The following B3GALT2 variants were observed in gnomAD, a reference collection of about 807,000 sequenced individuals.
B3GALT2 encodes the protein beta-1,3-galactosyltransferase 2.
A neutral mutation model predicts 33.5 loss-of-function variants in B3GALT2; 13 were observed. That is an observed-to-expected ratio of 0.39 (90% CI 0.25 to 0.62). The LOEUF is 0.62. Ranked by LOEUF, B3GALT2 falls within the 20% of genes least tolerant of loss-of-function variation. The probability of loss-of-function intolerance (pLI) is 0.53; values close to 1 mark genes in which losing one functional copy is unlikely to be tolerated. For synonymous variants in B3GALT2, 195 were observed against 172.7 expected (o/e 1.13, Z -1.01); for missense variants, 418 against 509.1 (o/e 0.82, Z 1.72).
At position 193,181,204 on chromosome 1, in the gene B3GALT2, C is replaced by A. The variant is rs1396723183; in HGVS notation, c.359G>T (p.Gly120Val). 5 of 1,613,738 alleles carry A rather than the reference C, an allele frequency of 3.1e-6. No homozygotes were observed. The highest frequency in any genetic ancestry group is 2.7e-5 in the African/African-American group (2 of 74,856). ...TGLENTLSANGSIYNEKGTGH... is the reference protein window; with the variant it reads ...TGLENTLSANVSIYNEKGTGH... ...AGTACCTTTTTCATTGTAAATACTT[C>A]CATTGGCACTAAGTGTATTCTCCAG... Residue 120 changes from glycine (G) to valine (V), a missense_variant, in exon 2 of 2, where the codon GGA becomes GTA. By Grantham distance (109) the Gly-to-Val change is moderately radical. Coordinates refer to ENST00000367434, the MANE Select transcript of B3GALT2 (RefSeq NM_003783.3).
In B3GALT2 at chr1:193,180,272, AT is replaced by A; in HGVS notation, c.*21del. On this transcript the variant is annotated 3_prime_UTR_variant, in exon 2 of 2. Coordinates refer to ENST00000367434, the MANE Select transcript of B3GALT2 (RefSeq NM_003783.3). ...TTTTAGCAATATTTACAAATTGCAC[AT>A]TTGAAAAAAAATTGTCTTTTCTAAT... 6 of 1,529,670 alleles carry A rather than the reference AT, an allele frequency of 3.9e-6. No homozygotes were observed. The highest frequency in any genetic ancestry group is 4.4e-6 in the Non-Finnish European group (5 of 1,139,598). 94.8% of individuals were successfully genotyped at this position (1,529,670 alleles called of 1,614,324 possible).
rs1289861125 is a variant in B3GALT2, at chr1:193,181,555, T to G, written c.8A>C (p.Gln3Pro). Reference sequence around the variant, plus strand: ...AAAGCAGCAGTGTCTTCTCCTCCACTGAAGCATGTTGTAAATATCCAGTAG... The same window carrying G: ...AAAGCAGCAGTGTCTTCTCCTCCACGGAAGCATGTTGTAAATATCCAGTAG... ML[Q>P]WRRRHCCFAK... Residue 3 changes from glutamine (Q) to proline (P), a missense_variant, in exon 2 of 2, where the codon CAG becomes CCG. Transcript: ENST00000367434. 6.3e-7 allele frequency: 1 copy of G among 1,581,324 alleles called. No individual in the cohort carries two copies. Among genetic ancestry groups the G allele is most frequent in the East Asian group, 2.2e-5 (1 of 44,772 alleles).
At position 193,181,321 on chromosome 1, in the gene B3GALT2, T is replaced by C. The variant is rs774361824; in HGVS notation, c.242A>G (p.Asn81Ser). 1 of 1,614,100 alleles carries C rather than the reference T, an allele frequency of 6.2e-7. No individual in the cohort carries two copies. Among genetic ancestry groups the C allele is most frequent in the Non-Finnish European group, 8.5e-7 (1 of 1,179,956 alleles). ...TTGAGGGACTGTTTCTTTCCAAATG[T>C]TCCGAAGGGAGCTGTGGTTTGTCTC... The part of the protein sequence containing the change: ...KSETNHSSLR[N>S]IWKETVPQTL... Residue 81 changes from asparagine to serine, a missense_variant, in exon 2 of 2, where the codon AAC (asparagine) becomes AGC (serine). Asn to Ser is a conservative substitution (Grantham distance 46, BLOSUM62 1). Transcript: ENST00000367434.
intron 1 of B3GALT2, among the ~76,000 whole-genome samples, chr1:193,183,461 C>T (rs1676753529): frequency 6.7e-6 from 1 of 148,528 alleles, no homozygotes; most frequent in Non-Finnish European, 1.5e-5. Context: ...AATTTAAACT[C>T]AGCATTAGTG....
chr1:193,180,289 CT>C lies in B3GALT2; in HGVS notation c.*4del. ...AATTGCACATTTGAAAAAAAATTGT[CT>C]TTTCTAATGTAGTTTACGGTGGCGA... On this transcript the variant is annotated 3_prime_UTR_variant, in exon 2 of 2. Coordinates refer to ENST00000367434, the MANE Select transcript of B3GALT2 (RefSeq NM_003783.3). 1.1e-5 allele frequency: 17 copies of C among 1,537,490 alleles called. No homozygotes were observed. Among genetic ancestry groups the C allele is most frequent in the Non-Finnish European group, 1.5e-5 (17 of 1,143,782 alleles).
intron 1 of B3GALT2, among the ~76,000 whole-genome samples, chr1:193,182,372 A>G (rs1223685254): frequency 1.3e-5 from 2 of 152,148 alleles, no homozygotes; most frequent in Non-Finnish European, 2.9e-5. Context: ...TCATGATATA[A>G]TTGTTCTTAG....
In B3GALT2 at chr1:193,181,471, A is replaced by G. The variant is rs1016983211; in HGVS notation, c.92T>C (p.Leu31Pro). 1 of 1,614,078 alleles carries G rather than the reference A, an allele frequency of 6.2e-7. No homozygotes were observed. Among genetic ancestry groups the G allele is most frequent in the Non-Finnish European group, 8.5e-7 (1 of 1,179,934 alleles). The part of the protein sequence containing the change: ...SLFRTHLIGV[L>P]SLVFLFAMFL... ...CATAGCAAAAAGAAACACTAGAGAA[A>G]GTACTCCAATAAGATGAGTGCGGAA... Residue 31 changes from leucine (L) to proline (P), a missense_variant, in exon 2 of 2, where the codon CTT becomes CCT. By Grantham distance (98) the Leu-to-Pro change is moderately conservative. Around this residue, in one of 3 missense-constraint regions of B3GALT2, gnomAD observed 188 missense variants for 197.5 expected, o/e 0.95. Transcript: ENST00000367434.
Position 193,180,765 on chromosome 1 carries a change from T to A in B3GALT2, c.798A>T (p.Leu266Phe). ...GTCTGGGAGGCAGATCTGGCTTCAG[T>A]AACTTATTGATTAAATATTCAGTGT... ...FVNTEYLINKLLKPDLPPRHN... is the reference protein window; with the variant it reads ...FVNTEYLINKFLKPDLPPRHN... The change falls in exon 2 of 2, where the codon TTA becomes TTT. Residue 266 changes from leucine to phenylalanine, a missense_variant. Around this residue, in one of 3 missense-constraint regions of B3GALT2, gnomAD observed 226 missense variants for 293.9 expected, o/e 0.77. Transcript: ENST00000367434. 6.2e-7 allele frequency: 1 copy of A among 1,614,106 alleles called. No homozygotes were observed. The highest frequency in any genetic ancestry group is 8.5e-7 in the Non-Finnish European group (1 of 1,179,956).
chr1:193,180,121 A>T lies in B3GALT2; in HGVS notation c.*173T>A, dbSNP rs1676686838. On this transcript the variant is annotated 3_prime_UTR_variant, in exon 2 of 2. Transcript: ENST00000367434. Reference sequence around the variant, plus strand: ...ATTGTTTTGGGAAACCTTTTTTGTTATATAATGTTATAGTTTTAAGAATTA... The same window carrying T: ...ATTGTTTTGGGAAACCTTTTTTGTTTTATAATGTTATAGTTTTAAGAATTA... 3.6e-6 allele frequency: 2 copies of T among 554,494 alleles called. No homozygotes were observed. The highest frequency in any genetic ancestry group is 2.0e-5 in the African/African-American group (1 of 50,920). The allele number at this position is 554,494 out of a possible 1,614,324, so 34.3% of individuals were successfully genotyped here.
chr1:193,179,536 T>A lies in B3GALT2; in HGVS notation c.*758A>T, dbSNP rs934636132. ...CCAATAACTCATTGAAATAGGAGTTTGGTTCTTAACATCAATGAGGAAACA... is the reference window on the plus strand; with the variant it reads ...CCAATAACTCATTGAAATAGGAGTTAGGTTCTTAACATCAATGAGGAAACA... On this transcript the variant is annotated 3_prime_UTR_variant, in exon 2 of 2. Coordinates refer to ENST00000367434, the MANE Select transcript of B3GALT2 (RefSeq NM_003783.3). The A allele has an allele frequency of 6.6e-6, 1 of 152,646 alleles. No homozygotes were observed. The highest frequency in any genetic ancestry group is 6.5e-5 in the Admixed American group (1 of 15,278). The allele number at this position is 152,646 out of a possible 1,614,324, so 9.5% of individuals were successfully genotyped here.
chr1:193,180,739 T>C lies in B3GALT2; in HGVS notation c.824A>G (p.His275Arg). 1.9e-6 allele frequency: 3 copies of C among 1,614,116 alleles called. No individual in the cohort carries two copies. The highest frequency in any genetic ancestry group is 2.2e-5 in the South Asian group (2 of 91,082). ...KLLKPDLPPR[H>R]NYFTGYLMRG... ...CATTAGGTAACCAGTGAAATAGTTA[T>C]GTCTGGGAGGCAGATCTGGCTTCAG... The change falls in exon 2 of 2, where the codon CAT (histidine) becomes CGT (arginine). Residue 275 changes from histidine to arginine, a missense_variant. Around this residue, in one of 3 missense-constraint regions of B3GALT2, gnomAD observed 226 missense variants for 293.9 expected, o/e 0.77. Coordinates refer to ENST00000367434, the MANE Select transcript of B3GALT2 (RefSeq NM_003783.3).
intron 1 of B3GALT2, among the ~76,000 whole-genome samples, chr1:193,184,596 T>A (rs1558302866): frequency 6.6e-6 from 1 of 151,944 alleles, no homozygotes; most frequent in Non-Finnish European, 1.5e-5. Flanking sequence ...TTTAAAAGTG[T>A]TGATCTCTTT....
rs529767334 is a variant in B3GALT2 at position 193,183,207 on chromosome 1, A to G, written c.-120-1525T>C. On this transcript the variant is annotated intron_variant, in intron 1 of 1. Coordinates refer to ENST00000367434, the MANE Select transcript of B3GALT2 (RefSeq NM_003783.3). ...TTAGATGTAAATGAATGAAAGTGCT[A>G]TTATAGTAGCAGCCACTAGGAGGAG... 3.3e-5 allele frequency among the ~76,000 whole-genome samples: 5 copies of G among 151,850 alleles called. No individual in the cohort carries two copies. In the East Asian group the frequency reaches 7.7e-4, roughly 23 times the overall value.
chr1:193,182,921 T>A (rs1007258978), intron 1 of B3GALT2, among the ~76,000 whole-genome samples: 4 of 152,088 alleles, frequency 2.6e-5, no homozygotes, highest in Non-Finnish European at 4.4e-5. Flanking sequence ...GAAAATTACT[T>A]CTTTAAGCAA....
intron 1 of B3GALT2, among the ~76,000 whole-genome samples, chr1:193,184,316 C>A (rs1676769021): frequency 1.3e-5 from 2 of 151,762 alleles, no homozygotes; most frequent in South Asian, 4.1e-4. Flanking sequence ...AATAACCATG[C>A]CTGCTTTTTA....
chr1:193,181,332 G>A lies in B3GALT2; in HGVS notation c.231C>T (p.Ser77=), dbSNP rs1676712107. 2 of 1,614,104 alleles carry A rather than the reference G, an allele frequency of 1.2e-6. No homozygotes were observed. The highest frequency in any genetic ancestry group is 1.7e-6 in the Non-Finnish European group (2 of 1,179,954). ...TTTCTTTCCAAATGTTCCGAAGGGAGCTGTGGTTTGTCTCACTTTTTGTTG... is the reference window on the plus strand; with the variant it reads ...TTTCTTTCCAAATGTTCCGAAGGGAACTGTGGTTTGTCTCACTTTTTGTTG... ...FRSTKSETNH[S]SLRNIWKETV... Residue 77 remains serine (S), a synonymous_variant, in exon 2 of 2, where the codon AGC becomes AGT. Transcript: ENST00000367434.
Position 193,181,200 on chromosome 1 carries a change from A to T in B3GALT2, c.363T>A (p.Ser121Arg). Residue 121 changes from serine (S) to arginine (R), a missense_variant, in exon 2 of 2, where the codon AGT becomes AGA. By Grantham distance (110) the Ser-to-Arg change is moderately radical (BLOSUM62 -1). Coordinates refer to ENST00000367434, the MANE Select transcript of B3GALT2 (RefSeq NM_003783.3). ...GTCCAGTACCTTTTTCATTGTAAATACTTCCATTGGCACTAAGTGTATTCT... is the reference window on the plus strand; with the variant it reads ...GTCCAGTACCTTTTTCATTGTAAATTCTTCCATTGGCACTAAGTGTATTCT... ...GLENTLSANGSIYNEKGTGHP... is the reference protein window; with the variant it reads ...GLENTLSANGRIYNEKGTGHP... The T allele has an allele frequency of 6.2e-7, 1 of 1,613,866 alleles. No individual in the cohort carries two copies. Among genetic ancestry groups the T allele is most frequent in the Non-Finnish European group, 8.5e-7 (1 of 1,179,904 alleles).
intron 1 of B3GALT2, among the ~76,000 whole-genome samples, chr1:193,182,026 G>A (rs1052230909): frequency 2.0e-5 from 3 of 152,034 alleles, no homozygotes; most frequent in African/African-American, 4.8e-5. Flanking sequence ...GTGTAAAAAC[G>A]CCTTAAGAGC....
chr1:193,183,760 A>G lies in B3GALT2; in HGVS notation c.-120-2078T>C, dbSNP rs186770676. Among the ~76,000 whole-genome samples, 73 of 152,008 alleles carry G rather than the reference A, an allele frequency of 4.8e-4. 1 individual carries two copies. The highest frequency in any genetic ancestry group is 1.7e-3 in the African/African-American group (70 of 41,550). The stretch of plus-strand genomic sequence containing the variant: ...GAAACAAAAGTTGCTTTTAAAATTT[A>G]TTTGATAATCTGTTCTAAGTGTTAC... On this transcript the variant is annotated intron_variant, in intron 1 of 1. Coordinates refer to ENST00000367434, the MANE Select transcript of B3GALT2 (RefSeq NM_003783.3).
Sources: gnomAD v4.1 joint callset for allele counts (sites outside exome capture counted in the v4.1 genomes callset) on GRCh38, gnomAD v4.1.1 for gene constraint, gnomAD v4.1.1 regional missense constraint, MANE v1.5 for transcripts, NCBI Gene and HGNC (gene_info 2026-07-23, HGNC 2026-07-21) for gene names.